MRTFB: variants seen among roughly 807,000 people sequenced by gnomAD.
The protein encoded by MRTFB is myocardin related transcription factor B, also known as myocardin-related transcription factor B.
Under a neutral mutation model 104.2 loss-of-function variants are expected in MRTFB, and 29 were observed. That is an observed-to-expected ratio of 0.28 (90% CI 0.21 to 0.38). The LOEUF (loss-of-function observed/expected upper bound fraction) is 0.38, where lower values mean the gene tolerates loss of function less well. Ranked by LOEUF, MRTFB falls within the 10% of genes least tolerant of loss-of-function variation. MRTFB has a pLI of 1.00. For missense variants in MRTFB, 1,270 were observed against 1,341.6 expected (o/e 0.95, Z 0.83); for synonymous variants, 535 against 519.5 (o/e 1.03, Z -0.41).
At chr16:14,064,957 G>T in the MRTFB span, among the ~76,000 whole-genome samples, 1 of 152,034 alleles carries the variant, frequency 6.6e-6, no homozygotes, top group East Asian at 1.9e-4. Context: ...TTTTGGTTCC[G>T]TGTGAATTTT....
the MRTFB span, among the ~76,000 whole-genome samples, chr16:14,011,736 G>A: frequency 6.6e-6 from 1 of 152,138 alleles, no homozygotes; most frequent in African/African-American, 2.4e-5. Flanking sequence ...GCTGGGCGTG[G>A]TGGTGGGCGC....
intron 8 of MRTFB, among the ~76,000 whole-genome samples, chr16:14,230,648 G>A (rs1265899163): frequency 6.6e-6 from 1 of 152,180 alleles, no homozygotes; most frequent in Non-Finnish European, 1.5e-5. Flanking sequence ...TACTGGAGAG[G>A]ATGTGGAGAA....
chr16:14,229,544 G>A (rs2042165033), intron 8 of MRTFB, among the ~76,000 whole-genome samples: 1 of 152,172 alleles, frequency 6.6e-6, no homozygotes, highest in African/African-American at 2.4e-5. Context: ...CTAATAAAGA[G>A]GAACAGTCCG....
intron 3 of MRTFB, among the ~76,000 whole-genome samples, chr16:14,174,293 G>C (rs1204466187): frequency 1.3e-5 from 2 of 152,058 alleles, no homozygotes; most frequent in Non-Finnish European, 2.9e-5. Flanking sequence ...TGTATCTGTT[G>C]TCCTTTTTGT....
intron 1 of MRTFB, among the ~76,000 whole-genome samples, chr16:14,072,943 ATAAT>A (rs990568199): frequency 2.6e-5 from 4 of 152,328 alleles, no homozygotes; most frequent in African/African-American, 2.4e-5. Context: ...ACCATTGGTA[ATAAT>A]TAATAAAATA....
intron 2 of MRTFB, among the ~76,000 whole-genome samples, chr16:14,079,948 G>A (rs779582579): frequency 1.3e-5 from 2 of 152,044 alleles, no homozygotes; most frequent in Non-Finnish European, 2.9e-5. Context: ...GTATATAGTA[G>A]TCTTTTTTAA....
chr16:14,079,421 T>TA (rs1263322185), intron 2 of MRTFB, 67 bp downstream of exon 2: 1 of 328,418 alleles, frequency 3.0e-6, no homozygotes, highest in Non-Finnish European at 5.6e-6. Context: ...TACCTCCTCT[T>TA]ACAGCCTGCT....
intron 2 of MRTFB, among the ~76,000 whole-genome samples, chr16:14,131,382 G>C: frequency 6.6e-6 from 1 of 152,102 alleles, no homozygotes; most frequent in East Asian, 1.9e-4. Flanking sequence ...AAAGTTCATG[G>C]ATGTGCATTT....
the MRTFB span, among the ~76,000 whole-genome samples, chr16:13,998,721 GAGA>G: frequency 4.6e-5 from 7 of 151,228 alleles, no homozygotes; most frequent in Non-Finnish European, 8.8e-5. Flanking sequence ...CAGAAGACAG[GAGA>G]AGAAGGAGGA....
At chr16:13,999,883 CCAA>C in the MRTFB span, among the ~76,000 whole-genome samples, 1 of 152,142 alleles carries the variant, frequency 6.6e-6, no homozygotes, top group Non-Finnish European at 1.5e-5. Context: ...CAATAGGCAC[CCAA>C]CAACACTGAG....
At chr16:14,199,655 T>A (rs1464120054) in intron 3 of MRTFB, among the ~76,000 whole-genome samples, 3 of 152,222 alleles carry the variant, frequency 2.0e-5, no homozygotes, top group Admixed American at 2.0e-4. Context: ...TGATTCTAAA[T>A]GTATCTCAAA....
chr16:14,018,239 C>T, the MRTFB span, among the ~76,000 whole-genome samples: 11 of 152,254 alleles, frequency 7.2e-5, no homozygotes, highest in African/African-American at 2.4e-4. Flanking sequence ...CCTGGCTCCA[C>T]CGCTTATAGC....
chr16:14,057,437 T>C, the MRTFB span, among the ~76,000 whole-genome samples: 8 of 152,152 alleles, frequency 5.3e-5, no homozygotes, highest in Non-Finnish European at 1.0e-4. Flanking sequence ...ACACATGTTG[T>C]TCCCTTTCCT....
the MRTFB span, among the ~76,000 whole-genome samples, chr16:14,010,695 G>T: frequency 5.5e-4 from 84 of 152,264 alleles, no homozygotes; most frequent in Non-Finnish European, 9.4e-4. Context: ...CAAAATGCTG[G>T]GATTATAGGC....
chr16:14,026,892 T>C, the MRTFB span, among the ~76,000 whole-genome samples: 1 of 151,836 alleles, frequency 6.6e-6, no homozygotes, highest in Non-Finnish European at 1.5e-5. Context: ...TAAAAAAAAA[T>C]TGACATACCA....
chr16:14,242,009 T>G (rs1163701323), intron 10 of MRTFB, among the ~76,000 whole-genome samples: 1 of 145,316 alleles, frequency 6.9e-6, no homozygotes, highest in Non-Finnish European at 1.5e-5. Context: ...ATAATAATAA[T>G]AATGGTAATG....
At chr16:14,096,108 G>A (rs1267169948) in intron 2 of MRTFB, among the ~76,000 whole-genome samples, 3 of 150,940 alleles carry the variant, frequency 2.0e-5, no homozygotes, top group Non-Finnish European at 2.9e-5. Context: ...GACAAGTCTC[G>A]CTCTGTCTTC....
intron 3 of MRTFB, among the ~76,000 whole-genome samples, chr16:14,172,443 A>G (rs1456138971): frequency 6.6e-6 from 1 of 152,114 alleles, no homozygotes; most frequent in African/African-American, 2.4e-5. Context: ...CTATGTGTGA[A>G]CATTTTAGTT....
chr16:14,236,702 C>T (rs1044353368), intron 9 of MRTFB, among the ~76,000 whole-genome samples: 6 of 152,168 alleles, frequency 3.9e-5, no homozygotes, highest in African/African-American at 1.4e-4. Flanking sequence ...ACAGCAATGG[C>T]CGAGGCAGAC....
Sources: allele counts gnomAD v4.1 joint callset (sites outside exome capture counted in the v4.1 genomes callset), GRCh38; gene constraint gnomAD v4.1.1; transcripts MANE v1.5; gene names NCBI Gene and HGNC (gene_info 2026-07-23, HGNC 2026-07-21).